JAZF1: variants seen among roughly 807,000 people sequenced by gnomAD.
JAZF1 encodes the protein juxtaposed with another zinc finger protein 1.
JAZF1 carries 8 observed loss-of-function variants against 26.4 expected under a neutral mutation model. That is an observed-to-expected ratio of 0.30 (90% CI 0.18 to 0.55). The LOEUF is 0.55. JAZF1 is among the 20% of genes least tolerant of loss of function. The pLI, the probability that JAZF1 is intolerant of heterozygous loss-of-function variation, is 0.94. For synonymous variants in JAZF1, 126 were observed against 122.3 expected (o/e 1.03, Z -0.20); for missense variants, 199 against 322.0 (o/e 0.62, Z 2.92).
At chr7:27,948,286 C>A (rs775250028) in intron 2 of JAZF1, among the ~76,000 whole-genome samples, 22 of 152,140 alleles carry the variant, frequency 1.4e-4, no homozygotes, top group Non-Finnish European at 2.6e-4. Flanking sequence ...TGCCACGGTG[C>A]TCCAGCTTAT....
At chr7:28,071,774 T>C (rs1009783203) in intron 1 of JAZF1, 5 of 392,416 alleles carry the variant, frequency 1.3e-5, no homozygotes, top group Admixed American at 7.3e-5. Flanking sequence ...AAGTGCAAAT[T>C]TGCAGAGGAG....
chr7:27,858,065 A>T (rs1229800520), intron 3 of JAZF1, among the ~76,000 whole-genome samples: 3 of 152,178 alleles, frequency 2.0e-5, no homozygotes, highest in African/African-American at 7.2e-5. Context: ...GATGCAAAAT[A>T]AATGTGCAAA....
At chr7:28,128,250 G>A (rs950002882) in intron 1 of JAZF1, among the ~76,000 whole-genome samples, 2 of 152,150 alleles carry the variant, frequency 1.3e-5, no homozygotes, top group Non-Finnish European at 2.9e-5. Context: ...TCGACTGGGC[G>A]CAGTGCTTCA....
chr7:28,059,749 T>C (rs919765289), intron 1 of JAZF1, among the ~76,000 whole-genome samples: 1 of 152,218 alleles, frequency 6.6e-6, no homozygotes, highest in Non-Finnish European at 1.5e-5. Flanking sequence ...GAGCAAACAA[T>C]TACAGGCTAA....
At chr7:27,887,803 T>A (rs1446701654) in intron 3 of JAZF1, among the ~76,000 whole-genome samples, 2 of 152,112 alleles carry the variant, frequency 1.3e-5, no homozygotes, top group African/African-American at 4.8e-5. Flanking sequence ...ACAAATAAAA[T>A]CCTATTTCCT....
In JAZF1 at chr7:27,840,011, TGACTA is replaced by T. The variant is rs1782891855; in HGVS notation, c.555+682_555+686del. Among the ~76,000 whole-genome samples, 1 of 152,190 alleles carries T rather than the reference TGACTA, an allele frequency of 6.6e-6. No homozygotes were observed. Among genetic ancestry groups the T allele is most frequent in the Non-Finnish European group, 1.5e-5 (1 of 68,030 alleles). ...TTAAAATGCCCTCTAGACCCATACT[TGACTA>T]TTGTGCTGTTTCTCGTTGTTTTGTC... On this transcript the variant is annotated intron_variant, in intron 4 of 4. Transcript: ENST00000283928. The surrounding 1 kb of genome is among the most constrained non-coding windows in gnomAD (Gnocchi z 5.1).
intron 1 of JAZF1, among the ~76,000 whole-genome samples, chr7:28,027,745 T>A (rs1409443282): frequency 6.6e-6 from 1 of 152,172 alleles, no homozygotes; most frequent in African/African-American, 2.4e-5. Flanking sequence ...TCCTCACAAT[T>A]ACCCTGCAAA....
At chr7:28,127,266 T>C (rs1458931875) in intron 1 of JAZF1, among the ~76,000 whole-genome samples, 5 of 152,196 alleles carry the variant, frequency 3.3e-5, no homozygotes, top group Non-Finnish European at 7.3e-5. Flanking sequence ...ATTTAAGGAT[T>C]ACTATTAAAT....
At chr7:28,054,863 A>C (rs183074021) in intron 1 of JAZF1, among the ~76,000 whole-genome samples, 6 of 151,942 alleles carry the variant, frequency 3.9e-5, no homozygotes, top group Non-Finnish European at 8.8e-5. Context: ...GCTAGGTAGG[A>C]TTTACCTCAT....
chr7:27,856,211 G>A (rs1476853696), intron 3 of JAZF1, among the ~76,000 whole-genome samples: 5 of 152,142 alleles, frequency 3.3e-5, no homozygotes, highest in African/African-American at 4.8e-5. Context: ...TCGTGGTCTC[G>A]CTGGCTCAGG....
At chr7:28,052,866 C>T (rs1034575519) in intron 1 of JAZF1, among the ~76,000 whole-genome samples, 1 of 151,606 alleles carries the variant, frequency 6.6e-6, no homozygotes, top group Non-Finnish European at 1.5e-5. Flanking sequence ...TAAATTTTAC[C>T]ATCTTAACCA....
Position 27,862,625 on chromosome 7 carries a change from A to T in JAZF1, c.386-21758T>A, listed in dbSNP as rs192036453. Among the ~76,000 whole-genome samples the T allele has an allele frequency of 3.0e-3, 452 of 152,270 alleles. 2 individuals carry two copies. The highest frequency in any genetic ancestry group is 4.5e-3 in the Non-Finnish European group (304 of 68,012). Reference sequence around the variant, plus strand: ...AGGCTTTCTGGGATTATTGAATGTGAATCAGCCCACCTCTGAGCTCACCCT... The same window carrying T: ...AGGCTTTCTGGGATTATTGAATGTGTATCAGCCCACCTCTGAGCTCACCCT... On this transcript the variant is annotated intron_variant, in intron 3 of 4. Coordinates refer to ENST00000283928, the MANE Select transcript of JAZF1 (RefSeq NM_175061.4).
chr7:27,991,761 G>C, intron 2 of JAZF1, 148 bp downstream of exon 2: 1 of 572,316 alleles, frequency 1.7e-6, no homozygotes, highest in Non-Finnish European at 3.1e-6. Flanking sequence ...AGAAACAAGA[G>C]CATTCCATAT....
chr7:28,136,458 C>T (rs1782888003), intron 1 of JAZF1, among the ~76,000 whole-genome samples: 1 of 152,206 alleles, frequency 6.6e-6, no homozygotes, highest in Non-Finnish European at 1.5e-5. Context: ...CTGGGCTGCA[C>T]CACTCCAACA....
At chr7:28,139,634 C>G (rs1196013727) in intron 1 of JAZF1, among the ~76,000 whole-genome samples, 1 of 152,202 alleles carries the variant, frequency 6.6e-6, no homozygotes, top group Non-Finnish European at 1.5e-5. Context: ...GCCAACAATT[C>G]TAGTCCCCAG....
intron 1 of JAZF1, among the ~76,000 whole-genome samples, chr7:28,025,301 C>T (rs975596184): frequency 6.6e-6 from 1 of 152,212 alleles, no homozygotes; most frequent in African/African-American, 2.4e-5. Context: ...TTCTTCAAAG[C>T]TATGAGTAAG....
intron 2 of JAZF1, among the ~76,000 whole-genome samples, chr7:27,965,456 C>T (rs541941466): frequency 6.6e-6 from 1 of 152,218 alleles, no homozygotes; most frequent in South Asian, 2.1e-4. Flanking sequence ...TTCTGACATC[C>T]CAAAATTACT....
intron 3 of JAZF1, among the ~76,000 whole-genome samples, chr7:27,892,328 C>G (rs901096011): frequency 3.3e-5 from 5 of 152,170 alleles, no homozygotes; most frequent in South Asian, 4.1e-4. Flanking sequence ...AATTAATTCT[C>G]TCAATGGGAA....
intron 1 of JAZF1, among the ~76,000 whole-genome samples, chr7:27,998,082 G>A (rs575469685): frequency 6.6e-6 from 1 of 151,910 alleles, no homozygotes; most frequent in East Asian, 1.9e-4. Flanking sequence ...AGGCAGGCAG[G>A]CAGGCAGGCA....
Sources: allele counts gnomAD v4.1 joint callset (sites outside exome capture counted in the v4.1 genomes callset), GRCh38; gene constraint gnomAD v4.1.1; non-coding constraint Gnocchi (gnomAD v3.1); transcripts MANE v1.5; gene names NCBI Gene and HGNC (gene_info 2026-07-23, HGNC 2026-07-21).